ULK4: variants seen among roughly 807,000 people sequenced by gnomAD.
The protein encoded by ULK4 is inactive serine/threonine-protein kinase ULK4.
A neutral mutation model predicts 160.6 loss-of-function variants in ULK4; 133 were observed. That is an observed-to-expected ratio of 0.83 (90% CI 0.72 to 0.96). The LOEUF (loss-of-function observed/expected upper bound fraction) is 0.96. Ranked by LOEUF, ULK4 falls within the 40% of genes least tolerant of loss-of-function variation. ULK4 has a pLI of 0.00. For missense variants in ULK4, 1,580 were observed against 1,499.5 expected (o/e 1.05, Z -0.89); for synonymous variants, 534 against 539.8 (o/e 0.99, Z 0.15).
At chr3:41,746,863 G>A (rs1205351910) in intron 22 of ULK4, among the ~76,000 whole-genome samples, 1 of 151,906 alleles carries the variant, frequency 6.6e-6, no homozygotes, top group Admixed American at 6.5e-5. Context: ...ATGCCCAAAT[G>A]ATTTTTGACA....
At chr3:41,586,487 TAAGG>T (rs1293623683) in intron 31 of ULK4, among the ~76,000 whole-genome samples, 1 of 152,020 alleles carries the variant, frequency 6.6e-6, no homozygotes, top group African/African-American at 2.4e-5. Context: ...GCAAAGAGAT[TAAGG>T]GAGGGAAGAG....
intron 32 of ULK4, among the ~76,000 whole-genome samples, chr3:41,558,679 G>C (rs1484890534): frequency 6.8e-6 from 1 of 146,796 alleles, no homozygotes; most frequent in Non-Finnish European, 1.5e-5. Context: ...ACTTCAGCCT[G>C]AGCAATAGAG....
intron 35 of ULK4, among the ~76,000 whole-genome samples, chr3:41,323,571 C>T (rs962948742): frequency 6.6e-6 from 1 of 152,098 alleles, no homozygotes; most frequent in Non-Finnish European, 1.5e-5. Context: ...TCATTGGTCT[C>T]AGCACTACTA....
intron 35 of ULK4, among the ~76,000 whole-genome samples, chr3:41,385,168 A>G (rs1293759991): frequency 6.6e-6 from 1 of 152,242 alleles, no homozygotes; most frequent in African/African-American, 2.4e-5. Context: ...TCACTTTCAC[A>G]TGATTTAGAA....
intron 21 of ULK4, among the ~76,000 whole-genome samples, chr3:41,773,791 T>C (rs576923992): frequency 2.1e-3 from 314 of 152,268 alleles, no homozygotes; most frequent in Non-Finnish European, 3.5e-3. Context: ...AGAACAAAGC[T>C]GGAGGCATCA....
chr3:41,713,093 A>T (rs994500084), intron 25 of ULK4, among the ~76,000 whole-genome samples: 6 of 152,076 alleles, frequency 3.9e-5, no homozygotes, highest in Non-Finnish European at 5.9e-5. Flanking sequence ...AAAAGAAAAA[A>T]AAAAGCCCTC....
chr3:41,301,348 A>T (rs2079792269), intron 35 of ULK4, among the ~76,000 whole-genome samples: 2 of 152,100 alleles, frequency 1.3e-5, no homozygotes, highest in Admixed American at 1.3e-4. Context: ...TGTGCATTTC[A>T]CTATAACGAC....
intron 30 of ULK4, among the ~76,000 whole-genome samples, chr3:41,643,910 C>T (rs2034358864): frequency 6.6e-6 from 1 of 152,062 alleles, no homozygotes; most frequent in African/African-American, 2.4e-5. Context: ...TCCTTCACAT[C>T]CCTTGTAAGT....
intron 35 of ULK4, among the ~76,000 whole-genome samples, chr3:41,384,754 T>C (rs2081761540): frequency 6.6e-6 from 1 of 152,176 alleles, no homozygotes; most frequent in Admixed American, 6.5e-5. Flanking sequence ...CTGGCTAATT[T>C]TTGTATTTTC....
chr3:41,454,741 G>A lies in ULK4; in HGVS notation c.3492+756C>T, dbSNP rs559782194. 2.4e-4 allele frequency among the ~76,000 whole-genome samples: 37 copies of A among 152,082 alleles called. No homozygotes were observed. In the South Asian group the frequency reaches 7.7e-3, roughly 32 times the overall value. Reference sequence around the variant, plus strand: ...GGAGTCTCGCTTTTTCACCCAGGCTGGAGTGAAGTGGCACGATCTTGGTTC... The same window carrying A: ...GGAGTCTCGCTTTTTCACCCAGGCTAGAGTGAAGTGGCACGATCTTGGTTC... On this transcript the variant is annotated intron_variant, in intron 34 of 36. Coordinates refer to ENST00000301831, the MANE Select transcript of ULK4 (RefSeq NM_017886.4).
intron 35 of ULK4, among the ~76,000 whole-genome samples, chr3:41,349,399 T>C (rs931501459): frequency 3.3e-5 from 5 of 152,110 alleles, no homozygotes; most frequent in African/African-American, 1.2e-4. Flanking sequence ...ACAACCTAGG[T>C]TGGTTCAGGA....
intron 32 of ULK4, among the ~76,000 whole-genome samples, chr3:41,526,501 A>G (rs2086121655): frequency 6.6e-6 from 1 of 152,206 alleles, no homozygotes. Context: ...AAGACCAGAG[A>G]TGACAGAAAT....
At position 41,305,381 on chromosome 3, in the gene ULK4, C is replaced by T. The variant is rs553478984; in HGVS notation, c.3679-55807G>A. Among the ~76,000 whole-genome samples the T allele has an allele frequency of 3.2e-4, 48 of 152,340 alleles. 1 individual carries two copies. The South Asian group carries it at 9.7e-3, about 31-fold the overall frequency. On this transcript the variant is annotated intron_variant, in intron 35 of 36. Coordinates refer to ENST00000301831, the MANE Select transcript of ULK4 (RefSeq NM_017886.4). ...GAGTGCCTGCGATTGCAGGCTCGAG[C>T]CGCCACGCCTGACTGGTTTTGGTGG...
chr3:41,326,125 T>C (rs1480887027), intron 35 of ULK4, among the ~76,000 whole-genome samples: 1 of 152,074 alleles, frequency 6.6e-6, no homozygotes, highest in Admixed American at 6.6e-5. Flanking sequence ...TAGCACACCA[T>C]AAGCATGGGC....
At chr3:41,356,215 C>A (rs6805909) in intron 35 of ULK4, among the ~76,000 whole-genome samples, 7,443 of 152,214 alleles carry the variant, frequency 0.049, 432 homozygotes, top group East Asian at 0.21. Flanking sequence ...CTATAAAGGA[C>A]AGAGGATCAC....
chr3:41,477,060 TACC>T, intron 32 of ULK4, among the ~76,000 whole-genome samples: 1 of 152,212 alleles, frequency 6.6e-6, no homozygotes, highest in East Asian at 1.9e-4. Context: ...GGTCAAATGC[TACC>T]ACAACAATTT....
intron 29 of ULK4, among the ~76,000 whole-genome samples, chr3:41,678,207 C>T (rs965538374): frequency 1.3e-5 from 2 of 151,390 alleles, no homozygotes; most frequent in African/African-American, 2.4e-5. Flanking sequence ...CACACACACA[C>T]ACACACACAC....
intron 29 of ULK4, among the ~76,000 whole-genome samples, chr3:41,669,008 T>C (rs1575550154): frequency 6.6e-6 from 1 of 152,214 alleles, no homozygotes; most frequent in East Asian, 1.9e-4. Flanking sequence ...TAAAGAGCTT[T>C]TGCAAATCAA....
chr3:41,907,766 T>C, intron 12 of ULK4, 79 bp downstream of exon 12: 2 of 902,678 alleles, frequency 2.2e-6, no homozygotes, highest in Non-Finnish European at 3.2e-6. Flanking sequence ...ATTATTAACA[T>C]AATTCATTTA....
Sources: gnomAD v4.1 joint callset for allele counts (sites outside exome capture counted in the v4.1 genomes callset) on GRCh38, gnomAD v4.1.1 for gene constraint, MANE v1.5 for transcripts, NCBI Gene and HGNC (gene_info 2026-07-23, HGNC 2026-07-21) for gene names.